FHIT: variants seen among roughly 807,000 people sequenced by gnomAD.
The protein encoded by FHIT is fragile histidine triad diadenosine triphosphatase, also known as bis(5'-adenosyl)-triphosphatase.
In FHIT, 19 loss-of-function variants were observed where a neutral mutation model predicts 17.9. That is an observed-to-expected ratio of 1.06 (90% CI 0.74 to 1.56). FHIT has a LOEUF of 1.56. Ranked by LOEUF, FHIT falls within the 40% of genes most tolerant of loss-of-function variation. FHIT has a pLI of 0.00. For missense variants in FHIT, 248 were observed against 189.2 expected (o/e 1.31, Z -1.82); for synonymous variants, 81 against 69.7 (o/e 1.16, Z -0.81).
chr3:60,075,930 A>C (rs565619335), intron 5 of FHIT, among the ~76,000 whole-genome samples: 1 of 152,208 alleles, frequency 6.6e-6, no homozygotes, highest in East Asian at 1.9e-4. Context: ...TTTGTAAGCA[A>C]AAGTACCTTA....
chr3:59,894,655 C>T (rs1417998308), intron 8 of FHIT, among the ~76,000 whole-genome samples: 1 of 152,020 alleles, frequency 6.6e-6, no homozygotes, highest in Non-Finnish European at 1.5e-5. Context: ...GATGGTGGTT[C>T]TGTAGTATGT....
intron 5 of FHIT, among the ~76,000 whole-genome samples, chr3:60,229,859 A>G (rs1704407475): frequency 6.6e-6 from 1 of 152,112 alleles, no homozygotes; most frequent in Non-Finnish European, 1.5e-5. Flanking sequence ...ATGCACGCCT[A>G]TAATCCCAGC....
At chr3:60,331,531 G>A (rs1450902105) in intron 5 of FHIT, among the ~76,000 whole-genome samples, 1 of 152,100 alleles carries the variant, frequency 6.6e-6, no homozygotes, top group African/African-American at 2.4e-5. Context: ...TAGCTTCTTT[G>A]TCACTCCAAT....
chr3:60,066,229 G>A (rs1423978727), intron 5 of FHIT, among the ~76,000 whole-genome samples: 1 of 152,082 alleles, frequency 6.6e-6, no homozygotes, highest in Non-Finnish European at 1.5e-5. Context: ...TAAAATGTAA[G>A]TCAAACTCAG....
At chr3:60,267,190 T>TAGAGATAC (rs1322611005) in intron 5 of FHIT, among the ~76,000 whole-genome samples, 1 of 151,910 alleles carries the variant, frequency 6.6e-6, no homozygotes, top group East Asian at 1.9e-4. Flanking sequence ...ACATATTACT[T>TAGAGATAC]AGAGATACAG....
At chr3:61,043,738 G>T (rs1426827341) in intron 2 of FHIT, among the ~76,000 whole-genome samples, 1 of 152,198 alleles carries the variant, frequency 6.6e-6, no homozygotes, top group Non-Finnish European at 1.5e-5. Context: ...AGTAGGGGCC[G>T]ACTGACACCT....
At chr3:60,478,610 G>T (rs920409048) in intron 5 of FHIT, among the ~76,000 whole-genome samples, 3 of 152,166 alleles carry the variant, frequency 2.0e-5, no homozygotes, top group African/African-American at 4.8e-5. Flanking sequence ...TTCAAGAGCA[G>T]CAGGGTAAGG....
chr3:60,519,009 A>G (rs1217690523), intron 5 of FHIT, among the ~76,000 whole-genome samples: 1 of 152,224 alleles, frequency 6.6e-6, no homozygotes, highest in Non-Finnish European at 1.5e-5. Context: ...TCTAAAAAAC[A>G]ATTATTTTTT....
intron 3 of FHIT, among the ~76,000 whole-genome samples, chr3:61,024,911 A>T (rs1439497555): frequency 6.6e-6 from 1 of 152,030 alleles, no homozygotes; most frequent in Non-Finnish European, 1.5e-5. Flanking sequence ...CACTAACCTT[A>T]CAGTATACCA....
chr3:60,361,403 T>A (rs11130768), intron 5 of FHIT, among the ~76,000 whole-genome samples: 3 of 151,928 alleles, frequency 2.0e-5, no homozygotes, highest in Non-Finnish European at 4.4e-5. Flanking sequence ...CACAAAAAAA[T>A]CCTGTGTTTT....
intron 2 of FHIT, among the ~76,000 whole-genome samples, chr3:61,076,207 A>G (rs1251437304): frequency 1.3e-5 from 2 of 152,202 alleles, no homozygotes; most frequent in Non-Finnish European, 2.9e-5. Flanking sequence ...CATGCCAAAA[A>G]CAAGCGATGC....
intron 5 of FHIT, among the ~76,000 whole-genome samples, chr3:60,152,926 G>C (rs1039286571): frequency 6.6e-6 from 1 of 152,050 alleles, no homozygotes; most frequent in African/African-American, 2.4e-5. Context: ...TCATTTTGTA[G>C]CTACAAAAGA....
chr3:59,944,242 G>A (rs1433771352), intron 7 of FHIT, among the ~76,000 whole-genome samples: 21 of 152,142 alleles, frequency 1.4e-4, no homozygotes. Context: ...CCAGGACACT[G>A]ACATTGGTAC....
At position 60,038,130 on chromosome 3, in the gene FHIT, G is replaced by T. The variant is rs567115983; in HGVS notation, c.104-23978C>A. On this transcript the variant is annotated intron_variant, in intron 5 of 9. Transcript: ENST00000492590. ...ATTTTAATAGCTGATAGATTAGTAG[G>T]TTTTCAAGCTATATTTTAAAATTTT... is the stretch of plus-strand genomic sequence containing the variant. 1.6e-4 allele frequency among the ~76,000 whole-genome samples: 24 copies of T among 152,170 alleles called. No homozygotes were observed. In the South Asian group the frequency reaches 4.8e-3, roughly 30 times the overall value.
chr3:60,570,109 G>C (rs956691111), intron 4 of FHIT, among the ~76,000 whole-genome samples: 1 of 152,058 alleles, frequency 6.6e-6, no homozygotes, highest in African/African-American at 2.4e-5. Context: ...GACATCAGTA[G>C]TTTGCGAAGC....
At chr3:60,525,233 G>C (rs1175649497) in intron 5 of FHIT, among the ~76,000 whole-genome samples, 1 of 152,124 alleles carries the variant, frequency 6.6e-6, no homozygotes, top group Admixed American at 6.5e-5. Context: ...GCCAAATTTA[G>C]ATTAGAAATG....
At chr3:60,945,897 G>A (rs1167786562) in intron 3 of FHIT, among the ~76,000 whole-genome samples, 1 of 152,122 alleles carries the variant, frequency 6.6e-6, no homozygotes, top group African/African-American at 2.4e-5. Flanking sequence ...GAAGTATTAG[G>A]TAAACAATGC....
At chr3:60,776,633 T>C (rs540308011) in intron 4 of FHIT, among the ~76,000 whole-genome samples, 4 of 152,312 alleles carry the variant, frequency 2.6e-5, no homozygotes, top group Admixed American at 2.0e-4. Flanking sequence ...ACCGCACCCT[T>C]AACTAAGAAG....
chr3:59,837,851 G>C (rs1485732), intron 8 of FHIT, among the ~76,000 whole-genome samples: 18,675 of 151,854 alleles, frequency 0.12, 3,707 homozygotes, highest in African/African-American at 0.42. Context: ...GTGGTGGTGT[G>C]GGGGGGTGGT....
Sources: allele counts gnomAD v4.1 joint callset (sites outside exome capture counted in the v4.1 genomes callset), GRCh38; gene constraint gnomAD v4.1.1; transcripts MANE v1.5; gene names NCBI Gene and HGNC (gene_info 2026-07-23, HGNC 2026-07-21).